The following SMG5 variants were observed in gnomAD, a reference collection of about 807,000 sequenced individuals.
The protein encoded by SMG5 is nonsense-mediated mRNA decay factor SMG5.
SMG5 carries 53 observed loss-of-function variants against 122.9 expected under a neutral mutation model. That is an observed-to-expected ratio of 0.43 (90% CI 0.35 to 0.54). The LOEUF (loss-of-function observed/expected upper bound fraction) is 0.54, where lower values mean the gene tolerates loss of function less well. Among genes scored for constraint, SMG5 ranks in the 20% least tolerant of loss-of-function variants. SMG5 has a pLI of 0.01. For synonymous variants in SMG5, 477 were observed against 490.2 expected (o/e 0.97, Z 0.35); for missense variants, 1,153 against 1,285.6 (o/e 0.90, Z 1.58).
At chr1:156,272,539 C>T in intron 6 of SMG5, 141 bp from the exon 7 acceptor site, 2 of 655,034 alleles carry the variant, frequency 3.1e-6, no homozygotes, top group Admixed American at 2.6e-5. Context: ...AGGTGATTAG[C>T]AGCTTAATCT....
chr1:156,252,586 A>G, intron 18 of SMG5, 82 bp from the exon 19 acceptor site: 2 of 1,385,506 alleles, frequency 1.4e-6, no homozygotes, highest in South Asian at 1.2e-5. Flanking sequence ...ATCTGAGCTC[A>G]CCTCAGTACA....
Position 156,250,676 on chromosome 1 carries a change from G to A in SMG5, c.2968-6C>T. ...GCAGCGGCCTGCAGGGCTGCCTGTG[G>A]AATGGGAGAAGGAAAGATGGAGAGG... On this transcript the variant is annotated splice_polypyrimidine_tract_variant and splice_region_variant and intron_variant, in intron 21 of 21. Coordinates refer to ENST00000361813, the MANE Select transcript of SMG5 (RefSeq NM_015327.3). The A allele has an allele frequency of 6.2e-7, 1 of 1,613,946 alleles. No homozygotes were observed. The highest frequency in any genetic ancestry group is 8.5e-7 in the Non-Finnish European group (1 of 1,179,826).
rs1251009861 is a variant in SMG5, at chr1:156,277,186, C to G, written c.353G>C (p.Gly118Ala). The part of the protein sequence containing the change: ...ECAYRTHLVA[G>A]IGFYQHLLLY... ...AAGGAGATGCTGGTAGAAGCCAATA[C>G]CAGCAACCAGGTGCGTCCTGTAGGC... Residue 118 changes from glycine (G) to alanine (A), a missense_variant, in exon 4 of 22, where the codon GGT becomes GCT. This residue lies in a region of SMG5 where 213 missense variants were observed against 197.5 expected (regional missense o/e 1.08). Transcript: ENST00000361813. The G allele has an allele frequency of 6.2e-7, 1 of 1,613,800 alleles. No individual in the cohort carries two copies. Among genetic ancestry groups the G allele is most frequent in the Admixed American group, 1.7e-5 (1 of 59,994 alleles).
At position 156,250,113 on chromosome 1, in the gene SMG5, G is replaced by A; in HGVS notation, c.*474C>T. ...ATGGGTGATCCTTGAGGAGGGGAAG[G>A]GTCTGCAGAGAATCACTCAGACACC... On this transcript the variant is annotated 3_prime_UTR_variant, in exon 22 of 22. Coordinates refer to ENST00000361813, the MANE Select transcript of SMG5 (RefSeq NM_015327.3). 2.7e-6 allele frequency: 1 copy of A among 366,702 alleles called. No homozygotes were observed. Among genetic ancestry groups the A allele is most frequent in the South Asian group, 2.0e-5 (1 of 48,866 alleles). 22.7% of individuals were successfully genotyped at this position (366,702 alleles called of 1,614,324 possible).
chr1:156,271,566 GTTTTTTTTTTTTT>G lies in SMG5; in HGVS notation c.713+741_713+753del, dbSNP rs755111375. Among the ~76,000 whole-genome samples, 7 of 82,312 alleles carry G rather than the reference GTTTTTTTTTTTTT, an allele frequency of 8.5e-5. No individual in the cohort carries two copies. In the East Asian group the frequency reaches 1.6e-3, roughly 19 times the overall value. 54.0% of individuals were successfully genotyped at this position (82,312 alleles called of 152,430 possible). ...AATCAATTTTGGGTGCCCTGAAGAGGTTTTTTTTTTTTTTTTTTTTTTTTTGAGATGGAGTCTT... is the reference window on the plus strand; with the variant it reads ...AATCAATTTTGGGTGCCCTGAAGAGGTTTTTTTTTTTTGAGATGGAGTCTT... On this transcript the variant is annotated intron_variant, in intron 7 of 21. Transcript: ENST00000361813.
At chr1:156,267,048 T>C (rs1448146445) in intron 10 of SMG5, among the ~76,000 whole-genome samples, 1 of 152,150 alleles carries the variant, frequency 6.6e-6, no homozygotes, top group African/African-American at 2.4e-5. Flanking sequence ...TTCCTCCCCA[T>C]GCCTCAAGAG....
upstream of SMG5, among the ~76,000 whole-genome samples, chr1:156,283,632 TTTG>T (rs1194902828): frequency 2.6e-5 from 4 of 152,174 alleles, no homozygotes; most frequent in Admixed American, 1.3e-4. Context: ...GGTGGTTTGT[TTTG>T]TTGTTGTTGT....
At chr1:156,276,003 G>A (rs1276833931) in intron 4 of SMG5, among the ~76,000 whole-genome samples, 1 of 151,508 alleles carries the variant, frequency 6.6e-6, no homozygotes, top group South Asian at 2.1e-4. Flanking sequence ...TAGAGATGAT[G>A]TAGGATCTCA....
At chr1:156,265,072 C>CACAA (rs1553293436) in intron 12 of SMG5, among the ~76,000 whole-genome samples, 2 of 147,734 alleles carry the variant, frequency 1.4e-5, no homozygotes, top group African/African-American at 5.0e-5. Flanking sequence ...CACACACACA[C>CACAA]AAAAGCCGGG....
the SMG5 span, chr1:156,291,390 T>C: frequency 3.2e-5 from 51 of 1,614,004 alleles, no homozygotes; most frequent in Non-Finnish European, 3.8e-5. Flanking sequence ...CATAGGCTGA[T>C]CTACTGGCTG....
At chr1:156,286,173 C>A, upstream of SMG5, 2 of 1,422,324 alleles carry the variant, frequency 1.4e-6, no homozygotes, top group Non-Finnish European at 2.0e-6. Context: ...CCATGCACTG[C>A]CCACAGTGAA....
chr1:156,260,227 T>C (rs937098724), intron 15 of SMG5, among the ~76,000 whole-genome samples: 4 of 152,148 alleles, frequency 2.6e-5, no homozygotes, highest in Non-Finnish European at 5.9e-5. Context: ...TGTTCTACAA[T>C]AGTAGAAACT....
intron 16 of SMG5, among the ~76,000 whole-genome samples, chr1:156,256,318 T>A (rs1250830130): frequency 4.8e-5 from 7 of 145,538 alleles, no homozygotes; most frequent in Non-Finnish European, 3.0e-5. Flanking sequence ...CTCTTTTTTT[T>A]TTTTTTTTTT....
rs1662524985 is a variant in SMG5 at position 156,273,392 on chromosome 1, G to A, written c.603C>T (p.Tyr201=). 3 of 1,613,982 alleles carry A rather than the reference G, an allele frequency of 1.9e-6. No individual in the cohort carries two copies. The highest frequency in any genetic ancestry group is 2.5e-6 in the Non-Finnish European group (3 of 1,179,986). Residue 201 remains tyrosine, a synonymous_variant, in exon 6 of 22, where the codon TAC becomes TAT. Coordinates refer to ENST00000361813, the MANE Select transcript of SMG5 (RefSeq NM_015327.3). Reference sequence around the variant, plus strand: ...GAGGAGCTACTGACAGGGCTTGGTAGTAAAATCTCTCGGCTAGCAGCTCGG... The same window carrying A: ...GAGGAGCTACTGACAGGGCTTGGTAATAAAATCTCTCGGCTAGCAGCTCGG... ...VDTELLAERF[Y]YQALSVAPQI...
chr1:156,270,410 G>A (rs1277913860), intron 7 of SMG5, among the ~76,000 whole-genome samples: 1 of 152,206 alleles, frequency 6.6e-6, no homozygotes, highest in Non-Finnish European at 1.5e-5. Flanking sequence ...GAGGAGAGGG[G>A]CCAAATGACC....
In SMG5 at chr1:156,249,842, C is replaced by T. The variant is rs558787524; in HGVS notation, c.*745G>A. 3 of 471,248 alleles carry T rather than the reference C, an allele frequency of 6.4e-6. No homozygotes were observed. The highest frequency in any genetic ancestry group is 6.0e-5 in the African/African-American group (3 of 50,212). The allele number at this position is 471,248 out of a possible 1,614,324, so 29.2% of individuals were successfully genotyped here. On this transcript the variant is annotated 3_prime_UTR_variant, in exon 22 of 22. Coordinates refer to ENST00000361813, the MANE Select transcript of SMG5 (RefSeq NM_015327.3). The stretch of plus-strand genomic sequence containing the variant: ...CTGTGGGGCTGGTGGGCACAGGAGA[C>T]CGTGCTGGCACAGGCCAGACTGCCT...
At chr1:156,279,202 G>A (rs771957919) in intron 1 of SMG5, among the ~76,000 whole-genome samples, 168 bp from the exon 2 acceptor site, 7 of 152,124 alleles carry the variant, frequency 4.6e-5, no homozygotes, top group Non-Finnish European at 7.4e-5. Flanking sequence ...TCTCCATCTT[G>A]TTACAGTAAC....
intron 12 of SMG5, among the ~76,000 whole-genome samples, chr1:156,265,036 T>TACACAC (rs35457785): frequency 0.23 from 28,660 of 122,598 alleles, 3,735 homozygotes; most frequent in Non-Finnish European, 0.28. Context: ...AAAAAAAAAA[T>TACACAC]ACACACACAC....
At chr1:156,270,882 C>T (rs1351319682) in intron 7 of SMG5, among the ~76,000 whole-genome samples, 3 of 152,046 alleles carry the variant, frequency 2.0e-5, no homozygotes, top group African/African-American at 7.2e-5. Context: ...TGGTGCATGT[C>T]TGTAATCCTA....
Sources: gnomAD v4.1 joint callset for allele counts (sites outside exome capture counted in the v4.1 genomes callset) on GRCh38, gnomAD v4.1.1 for gene constraint, gnomAD v4.1.1 regional missense constraint, MANE v1.5 for transcripts, NCBI Gene and HGNC (gene_info 2026-07-23, HGNC 2026-07-21) for gene names.